The following SLC9C2 variants were observed in gnomAD, a reference collection of about 807,000 sequenced individuals.
The protein encoded by SLC9C2 is solute carrier family 9 member C2 (putative), also known as sodium/hydrogen exchanger 11.
A neutral mutation model predicts 140.2 loss-of-function variants in SLC9C2; 75 were observed. That is an observed-to-expected ratio of 0.53 (90% confidence interval 0.44 to 0.65). The LOEUF is 0.65. Among genes scored for constraint, SLC9C2 ranks in the 30% least tolerant of loss-of-function variants. The pLI is 0.00. For missense variants in SLC9C2, 1,074 were observed against 1,331.8 expected (o/e 0.81, Z 3.01); for synonymous variants, 375 against 420.9 (o/e 0.89, Z 1.34).
intron 9 of SLC9C2, among the ~76,000 whole-genome samples, chr1:173,561,887 C>A (rs1381025): frequency 0.17 from 24,195 of 139,998 alleles, 2,477 homozygotes; most frequent in East Asian, 0.39. Context: ...ACACACACAC[C>A]CCCAACTGTA....
At chr1:173,577,496 G>C (rs556953622) in intron 7 of SLC9C2, among the ~76,000 whole-genome samples, 1 of 152,256 alleles carries the variant, frequency 6.6e-6, no homozygotes, top group Admixed American at 6.5e-5. Flanking sequence ...TGCAGTCTTA[G>C]GCTGCAGAGT....
intron 7 of SLC9C2, among the ~76,000 whole-genome samples, chr1:173,578,624 T>C (rs1020302957): frequency 6.6e-6 from 1 of 152,180 alleles, no homozygotes. Context: ...TGTCTCACAG[T>C]TCTGGAGCTA....
chr1:173,547,706 C>T lies in SLC9C2; in HGVS notation c.1540G>A (p.Val514Ile), dbSNP rs1247015535. Residue 514 changes from valine (V) to isoleucine (I), a missense_variant, in exon 13 of 28, where the codon GTA (valine) becomes ATA (isoleucine). By Grantham distance (29) the Val-to-Ile change is conservative. Transcript: ENST00000367714. ...GCACCAACCATTTGTATTGCAGCTACATGCAATCTGGCTTCCTCCATTAAA... is the reference window on the plus strand; with the variant it reads ...GCACCAACCATTTGTATTGCAGCTATATGCAATCTGGCTTCCTCCATTAAA... Reference protein sequence around the residue: ...EALMEEARLHVAAIQMSSFEK... With the variant: ...EALMEEARLHIAAIQMSSFEK... The T allele has an allele frequency of 6.2e-7, 1 of 1,611,342 alleles. No individual in the cohort carries two copies.
intron 9 of SLC9C2, among the ~76,000 whole-genome samples, chr1:173,558,276 A>C (rs1663849010): frequency 6.6e-6 from 1 of 152,200 alleles, no homozygotes; most frequent in African/African-American, 2.4e-5. Flanking sequence ...CCTATAATGT[A>C]TATAATTATT....
At chr1:173,588,027 T>G (rs1665955931) in intron 4 of SLC9C2, among the ~76,000 whole-genome samples, 197 bp from the exon 5 acceptor site, 1 of 152,220 alleles carries the variant, frequency 6.6e-6, no homozygotes, top group African/African-American at 2.4e-5. Flanking sequence ...TCTACCTTAT[T>G]ATTAAAAAGA....
rs145323997 is a variant in SLC9C2 at position 173,566,922 on chromosome 1, A to G, written c.1046+6260T>C. Among the ~76,000 whole-genome samples the G allele has an allele frequency of 9.5e-4, 144 of 151,546 alleles. 1 individual carries two copies. Among genetic ancestry groups the G allele is most frequent in the African/African-American group, 3.2e-3 (132 of 41,342 alleles). On this transcript the variant is annotated intron_variant, in intron 9 of 27. Transcript: ENST00000367714. Reference sequence around the variant, plus strand: ...CAAGAAATTTTTCAGTTTCCTTCTTAATTTCTTCATTGATGCACTTTCATT... The same window carrying G: ...CAAGAAATTTTTCAGTTTCCTTCTTGATTTCTTCATTGATGCACTTTCATT...
chr1:173,597,025 AC>A (rs1457862540), intron 4 of SLC9C2, among the ~76,000 whole-genome samples: 4 of 152,028 alleles, frequency 2.6e-5, no homozygotes, highest in Admixed American at 2.0e-4. Context: ...ATTGGGAAAA[AC>A]ATAGAAGATT....
chr1:173,568,129 T>A (rs1462167774), intron 9 of SLC9C2, among the ~76,000 whole-genome samples: 4 of 152,162 alleles, frequency 2.6e-5, no homozygotes, highest in African/African-American at 9.6e-5. Context: ...TACAGCGTTT[T>A]TTAAATATTT....
chr1:173,509,627 A>C lies in SLC9C2; in HGVS notation c.2980T>G (p.Trp994Gly). 6.3e-7 allele frequency: 1 copy of C among 1,597,802 alleles called. No homozygotes were observed. The highest frequency in any genetic ancestry group is 2.2e-5 in the East Asian group (1 of 44,472). ...GCAGTACTGAGAGCAAGCTTTAGCC[A>C]TATTTTATATTCCAGAGATGGCCAG... is the stretch of plus-strand genomic sequence containing the variant. ...AFWPSLEYKI[W>G]LKLALSTAYQ... Residue 994 changes from tryptophan to glycine, a missense_variant, in exon 24 of 28, where the codon TGG (tryptophan) becomes GGG (glycine). Coordinates refer to ENST00000367714, the MANE Select transcript of SLC9C2 (RefSeq NM_178527.4).
In SLC9C2 at chr1:173,524,066, T is replaced by G. The variant is rs776740693; in HGVS notation, c.2543A>C (p.Asn848Thr). The G allele has an allele frequency of 6.2e-7, 1 of 1,611,890 alleles. No homozygotes were observed. The highest frequency in any genetic ancestry group is 1.3e-5 in the African/African-American group (1 of 74,780). ...KVLLKKLKAL[N>T]NFPKAIPPPT... is the part of the protein sequence containing the mutation. The stretch of plus-strand genomic sequence containing the variant: ...GGGTGGGATTGCCTTTGGAAAGTTA[T>G]TTAGTGCTTTTAATTTTTTAAGAAG... The change falls in exon 21 of 28, where the codon AAT becomes ACT. Residue 848 changes from asparagine to threonine, a missense_variant. Asn to Thr is a moderately conservative substitution (Grantham distance 65, BLOSUM62 0). Coordinates refer to ENST00000367714, the MANE Select transcript of SLC9C2 (RefSeq NM_178527.4).
intron 27 of SLC9C2, among the ~76,000 whole-genome samples, chr1:173,501,316 T>C (rs1021081785): frequency 6.6e-6 from 1 of 152,150 alleles, no homozygotes; most frequent in Non-Finnish European, 1.5e-5. Context: ...ACTACATTAA[T>C]TCCATGAGAG....
intron 21 of SLC9C2, among the ~76,000 whole-genome samples, chr1:173,521,885 CAAAA>C (rs58355008): frequency 0.027 from 2,067 of 76,906 alleles, 45 homozygotes; most frequent in African/African-American, 0.092. Context: ...GGGCGCTATG[CAAAA>C]AAAAAAAAAA....
intron 3 of SLC9C2, among the ~76,000 whole-genome samples, 181 bp from the exon 4 acceptor site, chr1:173,598,213 G>A (rs1666551916): frequency 6.6e-6 from 1 of 152,128 alleles, no homozygotes; most frequent in African/African-American, 2.4e-5. Context: ...CATCCAGATA[G>A]GTTACCTATA....
chr1:173,601,947 C>T (rs772548410), intron 1 of SLC9C2, 92 bp from the exon 2 acceptor site: 40 of 770,986 alleles, frequency 5.2e-5, no homozygotes, highest in Non-Finnish European at 7.7e-5. Context: ...CAGATCTGAA[C>T]ATGTCTCTTC....
intron 22 of SLC9C2, among the ~76,000 whole-genome samples, chr1:173,520,953 C>T (rs1660767699): frequency 6.6e-6 from 1 of 152,170 alleles, no homozygotes; most frequent in Non-Finnish European, 1.5e-5. Context: ...ACAAAAGCCT[C>T]CCATGAGACA....
intron 25 of SLC9C2, 141 bp from the exon 26 acceptor site, chr1:173,505,472 C>T (rs1465583799): frequency 1.6e-6 from 1 of 637,640 alleles, no homozygotes; most frequent in East Asian, 2.7e-5. Context: ...TTCTAAATTT[C>T]AAATCCTCTT....
chr1:173,574,254 G>A (rs1665017042), intron 8 of SLC9C2, among the ~76,000 whole-genome samples: 2 of 152,164 alleles, frequency 1.3e-5, no homozygotes, highest in African/African-American at 4.8e-5. Context: ...CTTACAGGTG[G>A]ATCTCAAAAT....
In SLC9C2 at chr1:173,511,029, C is replaced by CTTTTTTTTTT. The variant is rs71111066; in HGVS notation, c.2908-1340_2908-1331dup. On this transcript the variant is annotated intron_variant, in intron 23 of 27. Transcript: ENST00000367714. ...CCTGGATTTTTTTTCCTTTCTTTTC[C>CTTTTTTTTTT]TTTTTTTTTTTTTTTTTTTTTTTTG... is the stretch of plus-strand genomic sequence containing the variant. 8.9e-3 allele frequency among the ~76,000 whole-genome samples: 771 copies of CTTTTTTTTTT among 86,708 alleles called. 98 individuals carry two copies. Among genetic ancestry groups the CTTTTTTTTTT allele is most frequent in the African/African-American group, 0.036 (666 of 18,292 alleles). The allele number at this position is 86,708 out of a possible 152,430, so 56.9% of individuals were successfully genotyped here.
intron 4 of SLC9C2, among the ~76,000 whole-genome samples, chr1:173,589,131 A>G (rs1222118573): frequency 1.3e-5 from 2 of 152,256 alleles, no homozygotes; most frequent in African/African-American, 4.8e-5. Flanking sequence ...TCTGTAAGAC[A>G]TAAGATTGGA....
Sources: gnomAD v4.1 joint callset for allele counts (sites outside exome capture counted in the v4.1 genomes callset) on GRCh38, gnomAD v4.1.1 for gene constraint, MANE v1.5 for transcripts, NCBI Gene and HGNC (gene_info 2026-07-23, HGNC 2026-07-21) for gene names.